ADAMTS13: variants seen among roughly 807,000 people sequenced by gnomAD.
ADAMTS13 encodes the protein ADAM metallopeptidase with thrombospondin type 1 motif 13.
In ADAMTS13, 110 loss-of-function variants were observed where a neutral mutation model predicts 155.1. The ratio of observed to expected loss-of-function variants is 0.71; its 90% CI spans 0.61 to 0.83. The LOEUF is 0.83. ADAMTS13 is among the 40% of genes least tolerant of loss of function. The pLI is 0.00. For synonymous variants in ADAMTS13, 758 were observed against 756.4 expected (o/e 1.00, Z -0.03); for missense variants, 1,707 against 1,891.7 (o/e 0.90, Z 1.81).
At position 133,441,008 on chromosome 9, in the gene ADAMTS13, C is replaced by T. The variant is rs1841629457; in HGVS notation, c.1968+483C>T. Among the ~76,000 whole-genome samples the T allele has an allele frequency of 6.6e-6, 1 of 152,130 alleles. No individual in the cohort carries two copies. Among genetic ancestry groups the T allele is most frequent in the Non-Finnish European group, 1.5e-5 (1 of 68,014 alleles). ...GGCATCTGGGGAGTAGGCCTTGGTG[C>T]TGAGGAAGCTGAGAACAGATGCTGG... is the stretch of plus-strand genomic sequence containing the variant. On this transcript the variant is annotated intron_variant, in intron 16 of 28. Coordinates refer to ENST00000355699, the MANE Select transcript of ADAMTS13 (RefSeq NM_139027.6). The surrounding 1 kb of genome is among the most constrained non-coding windows in gnomAD (Gnocchi z 5.0).
Position 133,433,602 on chromosome 9 carries a change from C to T in ADAMTS13, c.1245-39C>T, listed in dbSNP as rs887594416. On this transcript the variant is annotated intron_variant, in intron 10 of 28. Coordinates refer to ENST00000355699, the MANE Select transcript of ADAMTS13 (RefSeq NM_139027.6). Reference sequence around the variant, plus strand: ...AGTCCCTAGTTGAAGGCAGTGGTCACCCTGCTCTCTCACCCTCCTGTCTGC... The same window carrying T: ...AGTCCCTAGTTGAAGGCAGTGGTCATCCTGCTCTCTCACCCTCCTGTCTGC... 5 of 1,613,812 alleles carry T rather than the reference C, an allele frequency of 3.1e-6. No homozygotes were observed. In the African/African-American group the frequency reaches 4.0e-5, roughly 13 times the overall value.
At chr9:133,422,027 C>T (rs946359569), upstream of ADAMTS13, 5 of 231,722 alleles carry the variant, frequency 2.2e-5, no homozygotes, top group Non-Finnish European at 4.2e-5. Flanking sequence ...CACAGCCTCT[C>T]ATCTGTCAGA....
At chr9:133,457,757 G>A (rs1390757354) in intron 27 of ADAMTS13, among the ~76,000 whole-genome samples, 153 bp from the exon 28 acceptor site, 2 of 152,274 alleles carry the variant, frequency 1.3e-5, no homozygotes, top group African/African-American at 4.8e-5. Context: ...GGGCCAGGAA[G>A]TGGTAGAGGT....
Position 133,455,480 on chromosome 9 carries a change from C to T in ADAMTS13, c.3400+45C>T, listed in dbSNP as rs141494468. On this transcript the variant is annotated intron_variant, in intron 25 of 28. Coordinates refer to ENST00000355699, the MANE Select transcript of ADAMTS13 (RefSeq NM_139027.6). ...CCACGAAGAAGCCGCTGCTCCAGGA[C>T]GGACCACAGCCACCCCTGCTGGTGC... 613 of 1,612,390 alleles carry T rather than the reference C, an allele frequency of 3.8e-4. 6 individuals carry two copies. In the African/African-American group the frequency reaches 7.3e-3, roughly 19 times the overall value.
At position 133,433,524 on chromosome 9, in the gene ADAMTS13, C is replaced by T; in HGVS notation, c.1239C>T (p.Asn413=). Residue 413 remains asparagine (N), a synonymous_variant, in exon 10 of 29, where the codon AAC becomes AAT. Coordinates refer to ENST00000355699, the MANE Select transcript of ADAMTS13 (RefSeq NM_139027.6). ...TCACCAGGAGGCGGCAGTGCAACAA[C>T]CCCAGGTACCGCAGGGAGGGTGCTT... ...GVVTRRRQCN[N]PRPAFGGRAC... The T allele has an allele frequency of 3.1e-6, 5 of 1,613,604 alleles. No individual in the cohort carries two copies. The highest frequency in any genetic ancestry group is 3.4e-6 in the Non-Finnish European group (4 of 1,179,910).
rs980451660 is a variant in ADAMTS13 at position 133,424,752 on chromosome 9, A to G, written c.330+274A>G. Among the ~76,000 whole-genome samples the G allele has an allele frequency of 1.3e-5, 2 of 152,042 alleles. No homozygotes were observed. Among genetic ancestry groups the G allele is most frequent in the Non-Finnish European group, 2.9e-5 (2 of 68,006 alleles). On this transcript the variant is annotated intron_variant, in intron 3 of 28. Transcript: ENST00000355699. The surrounding 1 kb of genome is among the most constrained non-coding windows in gnomAD (Gnocchi z 4.3). ...AAGCCTGGCCTCTTCCCCAGTATCCATTTGACCCCCACAAAGCTCAGCTAA... is the reference window on the plus strand; with the variant it reads ...AAGCCTGGCCTCTTCCCCAGTATCCGTTTGACCCCCACAAAGCTCAGCTAA...
chr9:133,422,560 T>C lies in ADAMTS13; in HGVS notation c.105+12T>C, dbSNP rs975043930. The stretch of plus-strand genomic sequence containing the variant: ...CCCATTTCCAGCAGGTGGGCTCATT[T>C]GCAGGAGCGGGGGTATTCTGGGAGC... On this transcript the variant is annotated intron_variant, in intron 1 of 28. Coordinates refer to ENST00000355699, the MANE Select transcript of ADAMTS13 (RefSeq NM_139027.6). 7.4e-6 allele frequency: 12 copies of C among 1,613,822 alleles called. No individual in the cohort carries two copies. The highest frequency in any genetic ancestry group is 1.0e-5 in the Non-Finnish European group (12 of 1,179,804).
At position 133,422,586 on chromosome 9, in the gene ADAMTS13, C is replaced by T. The variant is rs781901359; in HGVS notation, c.105+38C>T. The T allele has an allele frequency of 2.1e-5, 33 of 1,607,342 alleles. No homozygotes were observed. In the South Asian group the frequency reaches 2.3e-4, roughly 11 times the overall value. The stretch of plus-strand genomic sequence containing the variant: ...GCAGGAGCGGGGGTATTCTGGGAGC[C>T]TCTGGGTGGGGTATTCTGAGCTACC... On this transcript the variant is annotated intron_variant, in intron 1 of 28. Coordinates refer to ENST00000355699, the MANE Select transcript of ADAMTS13 (RefSeq NM_139027.6).
intron 7 of ADAMTS13, among the ~76,000 whole-genome samples, chr9:133,428,974 GC>G (rs1390217262): frequency 5.8e-5 from 6 of 104,170 alleles, no homozygotes; most frequent in African/African-American, 2.2e-4. Context: ...CAGCCAGCCC[GC>G]TGGGCCGCCC....
chr9:133,449,650 A>G (rs1176119841), intron 22 of ADAMTS13, 133 bp from the exon 23 acceptor site: 1 of 1,026,702 alleles, frequency 9.7e-7, no homozygotes, highest in Non-Finnish European at 1.5e-6. Context: ...GGGGGCCTCC[A>G]GAAAGAGAAC....
chr9:133,444,544 C>G (rs1554791886), intron 19 of ADAMTS13, among the ~76,000 whole-genome samples: 1 of 152,196 alleles, frequency 6.6e-6, no homozygotes, highest in Non-Finnish European at 1.5e-5. Flanking sequence ...CGGGCTCAAG[C>G]AGTCTGCTCA....
chr9:133,423,237 G>T, intron 2 of ADAMTS13, 70 bp downstream of exon 2: 1 of 1,430,080 alleles, frequency 7.0e-7, no homozygotes. Context: ...TCACCACTGA[G>T]TCAGTGGTCT....
chr9:133,433,402 TC>T lies in ADAMTS13; in HGVS notation c.1120del (p.Leu374TrpfsTer4), dbSNP rs1554788057. ...GTGGTGCTCCAAGGGTCGCTGCCGC[TC>T]CCTGGTGGAGCTGACCCCCATAGCA... ...EKWCSKGRCRSLVELTPIAAV... is the reference protein window; with the variant it reads ...EKWCSKGRCRXLVELTPIAAV... On this transcript the variant is annotated frameshift_variant, in exon 10 of 29. Coordinates refer to ENST00000355699, the MANE Select transcript of ADAMTS13 (RefSeq NM_139027.6). LOFTEE classifies it high-confidence loss of function. The T allele has an allele frequency of 6.2e-7, 1 of 1,613,094 alleles. No homozygotes were observed. The highest frequency in any genetic ancestry group is 1.1e-5 in the South Asian group (1 of 91,084).
intron 11 of ADAMTS13, 52 bp from the exon 12 acceptor site, chr9:133,436,772 GACAAC>G: frequency 9.8e-7 from 1 of 1,019,728 alleles, no homozygotes; most frequent in Non-Finnish European, 1.4e-6. Flanking sequence ...GTCTCCCAGT[GACAAC>G]ACCCGCCCCC....
chr9:133,433,419 C>A lies in ADAMTS13; in HGVS notation c.1134C>A (p.Thr378=). 1 of 1,613,180 alleles carries A rather than the reference C, an allele frequency of 6.2e-7. No homozygotes were observed. ...KGRCRSLVEL[T]PIAAVHGRWS... Reference sequence around the variant, plus strand: ...GCTGCCGCTCCCTGGTGGAGCTGACCCCCATAGCAGCAGTGCATGGGCGCT... The same window carrying A: ...GCTGCCGCTCCCTGGTGGAGCTGACACCCATAGCAGCAGTGCATGGGCGCT... The change falls in exon 10 of 29, where the codon ACC becomes ACA. Residue 378 remains threonine, a synonymous_variant. Transcript: ENST00000355699.
Position 133,456,237 on chromosome 9 carries a change from C to T in ADAMTS13, c.3547+22C>T, listed in dbSNP as rs988323867. ...GCGGGTATGTCTAGGGCCATGCAAG[C>T]GATGCTGCCAGTTATGGGCCCTGCC... On this transcript the variant is annotated intron_variant, in intron 26 of 28. Transcript: ENST00000355699. The surrounding 1 kb of genome is among the most constrained non-coding windows in gnomAD (Gnocchi z 4.4). 4 of 1,613,102 alleles carry T rather than the reference C, an allele frequency of 2.5e-6. No homozygotes were observed. The highest frequency in any genetic ancestry group is 1.3e-5 in the African/African-American group (1 of 74,934).
At chr9:133,435,484 C>T (rs587642528) in intron 11 of ADAMTS13, among the ~76,000 whole-genome samples, 96 of 150,386 alleles carry the variant, frequency 6.4e-4, no homozygotes, top group African/African-American at 1.8e-3. Flanking sequence ...CCACCGCTCC[C>T]GGCCTATGTT....
At chr9:133,446,059 A>G (rs1842046466) in intron 21 of ADAMTS13, among the ~76,000 whole-genome samples, 1 of 152,202 alleles carries the variant, frequency 6.6e-6, no homozygotes, top group African/African-American at 2.4e-5. Context: ...CACGAGAGCC[A>G]TTCCTTATGG....
At chr9:133,434,232 G>T (rs1554788374) in intron 11 of ADAMTS13, among the ~76,000 whole-genome samples, 3 of 152,164 alleles carry the variant, frequency 2.0e-5, no homozygotes, top group Non-Finnish European at 4.4e-5. Context: ...GCCCTCCAGA[G>T]CGCATCTCTG....
Sources: gnomAD v4.1 joint callset for allele counts (sites outside exome capture counted in the v4.1 genomes callset) on GRCh38, gnomAD v4.1.1 for gene constraint, Gnocchi (gnomAD v3.1) non-coding constraint, MANE v1.5 for transcripts, NCBI Gene and HGNC (gene_info 2026-07-23, HGNC 2026-07-21) for gene names.